Variants in MYO3B observed in about 807,000 individuals in gnomAD.
MYO3B encodes myosin-IIIb.
Under a neutral mutation model 174.6 loss-of-function variants are expected in MYO3B, and 156 were observed. The observed-to-expected ratio is 0.89, with a 90% CI of 0.78 to 1.02. The LOEUF (loss-of-function observed/expected upper bound fraction) is 1.02. Among genes scored for constraint, MYO3B ranks in the 50% least tolerant of loss-of-function variants. The pLI is 0.00. For synonymous variants in MYO3B, 563 were observed against 569.1 expected, an observed-to-expected ratio of 0.99 and a Z score of 0.15; for missense variants, 1,632 against 1,639.4, an observed-to-expected ratio of 1.00 and a Z score of 0.08.
intron 25 of MYO3B, among the ~76,000 whole-genome samples, chr2:170,471,890 C>T (rs1023660066): frequency 2.6e-5 from 4 of 150,970 alleles, no homozygotes; most frequent in Non-Finnish European, 4.4e-5. Flanking sequence ...ACTTGGGAGG[C>T]GGAGGCAGGA....
At chr2:170,398,619 C>T (rs759865100) in intron 16 of MYO3B, among the ~76,000 whole-genome samples, 2 of 152,114 alleles carry the variant, frequency 1.3e-5, no homozygotes, top group Non-Finnish European at 2.9e-5. Flanking sequence ...AGTATAAACT[C>T]AGGTATGGTT....
intron 32 of MYO3B, among the ~76,000 whole-genome samples, chr2:170,595,731 C>A (rs1309460877): frequency 1.3e-5 from 2 of 152,168 alleles, no homozygotes; most frequent in African/African-American, 2.4e-5. Context: ...AGCCACCATG[C>A]CTGGCTTCTG....
chr2:170,568,878 G>A (rs1162563983), intron 32 of MYO3B, among the ~76,000 whole-genome samples: 1 of 152,122 alleles, frequency 6.6e-6, no homozygotes, highest in African/African-American at 2.4e-5. Flanking sequence ...AAGTAAAGAA[G>A]ACTGTTGGAC....
intron 32 of MYO3B, among the ~76,000 whole-genome samples, chr2:170,594,995 C>T (rs1407024040): frequency 6.6e-6 from 1 of 152,108 alleles, no homozygotes; most frequent in Non-Finnish European, 1.5e-5. Flanking sequence ...CAGTGTCGTG[C>T]CCCAGGCTTC....
chr2:170,437,610 T>C (rs2094764348), intron 22 of MYO3B, among the ~76,000 whole-genome samples: 1 of 152,216 alleles, frequency 6.6e-6, no homozygotes, highest in African/African-American at 2.4e-5. Flanking sequence ...TCTTTACTAC[T>C]CTCCTTTTTG....
chr2:170,210,519 G>A (rs1425764009), intron 3 of MYO3B, among the ~76,000 whole-genome samples: 2 of 152,156 alleles, frequency 1.3e-5, no homozygotes, highest in Non-Finnish European at 2.9e-5. Flanking sequence ...TTTTAATTAT[G>A]TGCTAGGTTC....
intron 32 of MYO3B, among the ~76,000 whole-genome samples, chr2:170,639,405 G>A (rs1414862999): frequency 1.3e-5 from 2 of 152,120 alleles, no homozygotes; most frequent in Admixed American, 6.5e-5. Context: ...TCCTGCTCCC[G>A]TGCTGGATCA....
chr2:170,604,320 T>C (rs1473763580), intron 32 of MYO3B, among the ~76,000 whole-genome samples: 2 of 152,208 alleles, frequency 1.3e-5, no homozygotes, highest in African/African-American at 2.4e-5. Flanking sequence ...TGTATGTATA[T>C]AGAATAGTTC....
chr2:170,589,419 G>A (rs1200401190), intron 32 of MYO3B, among the ~76,000 whole-genome samples: 2 of 152,144 alleles, frequency 1.3e-5, no homozygotes, highest in South Asian at 4.1e-4. Context: ...TGACAGATCC[G>A]TGCATATTCT....
At chr2:170,364,390 T>A (rs898510610) in intron 8 of MYO3B, among the ~76,000 whole-genome samples, 2 of 152,202 alleles carry the variant, frequency 1.3e-5, no homozygotes, top group African/African-American at 2.4e-5. Context: ...TTCCAAACTC[T>A]TTTGACTAGG....
intron 1 of MYO3B, among the ~76,000 whole-genome samples, chr2:170,184,959 T>A (rs1228783618): frequency 1.3e-5 from 2 of 152,178 alleles, no homozygotes; most frequent in African/African-American, 4.8e-5. Flanking sequence ...CACCTTTTCA[T>A]AAACCTATTT....
At chr2:170,364,051 T>C (rs2094180780) in intron 8 of MYO3B, among the ~76,000 whole-genome samples, 1 of 152,164 alleles carries the variant, frequency 6.6e-6, no homozygotes, top group Non-Finnish European at 1.5e-5. Context: ...GTTGAAACAC[T>C]GTCTTTTGCA....
At chr2:170,272,698 C>T (rs181434041) in intron 7 of MYO3B, among the ~76,000 whole-genome samples, 1 of 152,266 alleles carries the variant, frequency 6.6e-6, no homozygotes, top group Non-Finnish European at 1.5e-5. Context: ...GTGACTGGAC[C>T]ATGAGGGTGG....
At chr2:170,608,775 T>C (rs536976760) in intron 32 of MYO3B, among the ~76,000 whole-genome samples, 37 of 152,142 alleles carry the variant, frequency 2.4e-4, no homozygotes, top group African/African-American at 8.9e-4. Flanking sequence ...AACTGAGAGA[T>C]GCAAATCCAG....
At chr2:170,437,720 T>C (rs559249998) in intron 22 of MYO3B, among the ~76,000 whole-genome samples, 1 of 152,306 alleles carries the variant, frequency 6.6e-6, no homozygotes, top group South Asian at 2.1e-4. Context: ...GCCTCAACCA[T>C]GAACCTAGGA....
intron 22 of MYO3B, among the ~76,000 whole-genome samples, chr2:170,437,005 G>A (rs943522435): frequency 6.6e-6 from 1 of 152,048 alleles, no homozygotes; most frequent in African/African-American, 2.4e-5. Flanking sequence ...GTCCTGTGTT[G>A]GCAGTGCTTT....
At chr2:170,517,819 G>C (rs78555294) in intron 29 of MYO3B, among the ~76,000 whole-genome samples, 12 of 151,836 alleles carry the variant, frequency 7.9e-5, no homozygotes, top group African/African-American at 1.2e-4. Flanking sequence ...TCTCCAAGAG[G>C]GGGGAAAACC....
intron 30 of MYO3B, among the ~76,000 whole-genome samples, chr2:170,528,784 A>G (rs577004404): frequency 1.3e-5 from 2 of 152,278 alleles, no homozygotes; most frequent in Admixed American, 6.5e-5. Flanking sequence ...CAGTTTTTTA[A>G]CATTTCTTCT....
chr2:170,390,944 T>C (rs2094407776), intron 14 of MYO3B, among the ~76,000 whole-genome samples: 1 of 152,200 alleles, frequency 6.6e-6, no homozygotes, highest in African/African-American at 2.4e-5. Context: ...CCACAGGCTA[T>C]GCTCAGAGTA....
Sources: allele counts gnomAD v4.1 joint callset (sites outside exome capture counted in the v4.1 genomes callset), GRCh38; gene constraint gnomAD v4.1.1; transcripts MANE v1.5; gene names NCBI Gene and HGNC (gene_info 2026-07-23, HGNC 2026-07-21).